DDX10: variants seen among roughly 807,000 people sequenced by gnomAD.
The protein encoded by DDX10 is probable ATP-dependent RNA helicase DDX10.
DDX10 carries 74 observed loss-of-function variants against 104.3 expected under a neutral mutation model. The ratio of observed to expected loss-of-function variants is 0.71; its 90% CI spans 0.59 to 0.86. DDX10 has a LOEUF of 0.86. Among genes scored for constraint, DDX10 ranks in the 40% least tolerant of loss-of-function variants. The probability of loss-of-function intolerance (pLI) is 0.00; values close to 1 mark genes in which losing one functional copy is unlikely to be tolerated. For synonymous variants in DDX10, 351 were observed against 353.4 expected (o/e 0.99, Z 0.08); for missense variants, 952 against 1,040.0 (o/e 0.92, Z 1.16).
At chr11:108,812,710 G>A (rs774366665) in intron 13 of DDX10, among the ~76,000 whole-genome samples, 16 of 152,030 alleles carry the variant, frequency 1.1e-4, no homozygotes, top group Admixed American at 2.6e-4. Flanking sequence ...AGCTGGCTGC[G>A]GTGGCTCATG....
intron 13 of DDX10, among the ~76,000 whole-genome samples, chr11:108,762,062 A>G (rs2094351482): frequency 6.6e-6 from 1 of 152,138 alleles, no homozygotes; most frequent in African/African-American, 2.4e-5. Flanking sequence ...TTTAATTTCT[A>G]TTGTGATCTA....
intron 16 of DDX10, among the ~76,000 whole-genome samples, chr11:108,870,112 A>T (rs188391299): frequency 2.6e-5 from 4 of 152,266 alleles, no homozygotes; most frequent in Non-Finnish European, 5.9e-5. Flanking sequence ...CTATCTTTGA[A>T]AGTTTCTTGT....
At chr11:108,795,035 T>G (rs1591820208) in intron 13 of DDX10, among the ~76,000 whole-genome samples, 1 of 151,830 alleles carries the variant, frequency 6.6e-6, no homozygotes, top group Admixed American at 6.6e-5. Context: ...ACCATGTTGG[T>G]CAGGCTGGTC....
intron 1 of DDX10, among the ~76,000 whole-genome samples, chr11:108,669,699 C>T (rs2094214549): frequency 6.6e-6 from 1 of 152,180 alleles, no homozygotes; most frequent in African/African-American, 2.4e-5. Flanking sequence ...TGCTAATCAG[C>T]TGACCTTAAA....
intron 13 of DDX10, among the ~76,000 whole-genome samples, chr11:108,765,678 T>TG (rs2094355600): frequency 6.6e-6 from 1 of 152,260 alleles, no homozygotes; most frequent in South Asian, 2.1e-4. Context: ...GTTTGACACT[T>TG]GCTCATGCAC....
chr11:108,795,337 AG>A (rs1159173240), intron 13 of DDX10, among the ~76,000 whole-genome samples: 1 of 144,024 alleles, frequency 6.9e-6, no homozygotes, highest in Non-Finnish European at 1.5e-5. Flanking sequence ...TTTAAGTTCT[AG>A]GGTACATGTG....
At chr11:108,728,504 C>CTTTTTTTTTTTTTTTTTT (rs71050884) in intron 13 of DDX10, among the ~76,000 whole-genome samples, 2 of 121,780 alleles carry the variant, frequency 1.6e-5, no homozygotes, top group African/African-American at 8.2e-5. Flanking sequence ...CACATTTGTT[C>CTTTTTTTTTTTTTTTTTT]TTTTTTTTTT....
intron 13 of DDX10, among the ~76,000 whole-genome samples, chr11:108,746,371 G>A (rs573484864): frequency 6.6e-6 from 1 of 151,778 alleles, no homozygotes; most frequent in South Asian, 2.1e-4. Flanking sequence ...GCATATATCA[G>A]TATTGCATTT....
At chr11:108,760,343 C>G (rs1157447550) in intron 13 of DDX10, among the ~76,000 whole-genome samples, 2 of 151,918 alleles carry the variant, frequency 1.3e-5, no homozygotes, top group African/African-American at 4.8e-5. Flanking sequence ...GGGTGGCCAC[C>G]TGAGGACTAA....
intron 10 of DDX10, among the ~76,000 whole-genome samples, chr11:108,713,170 C>T (rs545327508): frequency 5.9e-5 from 9 of 152,232 alleles, no homozygotes; most frequent in Admixed American, 2.0e-4. Flanking sequence ...CTCTCCCTCT[C>T]GCTTGGGCAT....
At chr11:108,757,624 A>T (rs2094346002) in intron 13 of DDX10, among the ~76,000 whole-genome samples, 1 of 152,116 alleles carries the variant, frequency 6.6e-6, no homozygotes, top group Non-Finnish European at 1.5e-5. Context: ...TCTTGTGATT[A>T]CGCTTAGATG....
chr11:108,862,956 T>G, intron 16 of DDX10, among the ~76,000 whole-genome samples: 1 of 152,176 alleles, frequency 6.6e-6, no homozygotes, highest in South Asian at 2.1e-4. Flanking sequence ...TAACTGACCA[T>G]AGAAATTCAG....
rs182852370 is a variant in DDX10, at chr11:108,813,726, A to T, written c.1966-24720A>T. On this transcript the variant is annotated intron_variant, in intron 13 of 17. Transcript: ENST00000322536. ...TTAATATTTTGCGTCTAAGCTTTTG[A>T]TTCATTTGGAATTCTGTTGCAAGAT... Among the ~76,000 whole-genome samples, 75 of 152,220 alleles carry T rather than the reference A, an allele frequency of 4.9e-4. 1 individual carries two copies. Among genetic ancestry groups the T allele is most frequent in the Admixed American group, 2.9e-3 (44 of 15,292 alleles).
intron 10 of DDX10, among the ~76,000 whole-genome samples, chr11:108,708,080 A>C (rs1487273318): frequency 6.6e-6 from 1 of 152,120 alleles, no homozygotes; most frequent in Admixed American, 6.5e-5. Context: ...CTGTCTTCCA[A>C]AGTGGCTACA....
chr11:108,844,236 G>A (rs954788449), intron 15 of DDX10, among the ~76,000 whole-genome samples: 1 of 151,848 alleles, frequency 6.6e-6, no homozygotes, highest in Non-Finnish European at 1.5e-5. Context: ...CTTCCAAATA[G>A]GATTTTGAAA....
chr11:108,889,166 G>T (rs1213694874), intron 16 of DDX10, among the ~76,000 whole-genome samples: 3 of 152,070 alleles, frequency 2.0e-5, no homozygotes, highest in African/African-American at 7.2e-5. Flanking sequence ...ATAATTTGTA[G>T]ATGTCATAAT....
At chr11:108,825,594 A>G (rs1248499180) in intron 13 of DDX10, among the ~76,000 whole-genome samples, 1 of 152,246 alleles carries the variant, frequency 6.6e-6, no homozygotes, top group Non-Finnish European at 1.5e-5. Context: ...GGGAAGAAAC[A>G]AGCAAGACAT....
chr11:108,669,024 C>T (rs530685959), intron 1 of DDX10, among the ~76,000 whole-genome samples: 1 of 152,054 alleles, frequency 6.6e-6, no homozygotes, highest in South Asian at 2.1e-4. Flanking sequence ...CCCTGCATCT[C>T]AGTCTTAGCA....
intron 10 of DDX10, among the ~76,000 whole-genome samples, chr11:108,712,538 G>A (rs2094285804): frequency 6.6e-6 from 1 of 151,686 alleles, no homozygotes; most frequent in Non-Finnish European, 1.5e-5. Flanking sequence ...TAATGCTACA[G>A]CACTTCACAG....
Sources: allele counts gnomAD v4.1 joint callset (sites outside exome capture counted in the v4.1 genomes callset), GRCh38; gene constraint gnomAD v4.1.1; transcripts MANE v1.5; gene names NCBI Gene and HGNC (gene_info 2026-07-23, HGNC 2026-07-21).